The following TRHDE variants were observed in gnomAD, a reference collection of about 807,000 sequenced individuals.
TRHDE encodes thyrotropin releasing hormone degrading enzyme.
A neutral mutation model predicts 125.7 loss-of-function variants in TRHDE; 72 were observed. That is an observed-to-expected ratio of 0.57 (90% CI 0.47 to 0.70). TRHDE has a LOEUF of 0.70. TRHDE is among the 30% of genes least tolerant of loss of function. The pLI is 0.00. For synonymous variants in TRHDE, 509 were observed against 509.1 expected (o/e 1.00, Z 0.00); for missense variants, 1,110 against 1,327.1 (o/e 0.84, Z 2.54).
At chr12:72,162,405 A>G (rs570186605) in intron 2 of TRHDE, among the ~76,000 whole-genome samples, 1 of 152,204 alleles carries the variant, frequency 6.6e-6, no homozygotes, top group Non-Finnish European at 1.5e-5. Context: ...TTCCTGTCAC[A>G]GTGGTGGCAG....
chr12:72,518,851 A>T (rs1467411852), intron 6 of TRHDE, among the ~76,000 whole-genome samples: 1 of 152,090 alleles, frequency 6.6e-6, no homozygotes, highest in African/African-American at 2.4e-5. Context: ...GTGGTGACAG[A>T]ATCTCTCAGC....
At chr12:72,495,531 C>T (rs891435217) in intron 5 of TRHDE, among the ~76,000 whole-genome samples, 1 of 152,052 alleles carries the variant, frequency 6.6e-6, no homozygotes, top group Non-Finnish European at 1.5e-5. Context: ...GAAACCTTTT[C>T]TGAACTAATT....
intron 2 of TRHDE, among the ~76,000 whole-genome samples, chr12:72,112,623 T>C (rs142037730): frequency 1.2e-4 from 19 of 152,314 alleles, no homozygotes; most frequent in African/African-American, 4.3e-4. Flanking sequence ...TCATAGATAA[T>C]TTGATCTCAT....
In TRHDE at chr12:72,314,289, TTTTC is replaced by T. The variant is rs1262859443; in HGVS notation, c.1188+27347_1188+27350del. Among the ~76,000 whole-genome samples, 6 of 141,212 alleles carry T rather than the reference TTTTC, an allele frequency of 4.2e-5. No individual in the cohort carries two copies. In the East Asian group the frequency reaches 1.1e-3, roughly 25 times the overall value. The allele number at this position is 141,212 out of a possible 152,430, so 92.6% of individuals were successfully genotyped here. A position where few individuals can be genotyped will look rare whatever the true frequency, so the allele number is the denominator to read the frequency against. ...TCCTCTCTCTTTCTCTTTTCTTTTC[TTTTC>T]TTTCTTTCTTTTCTATCTCCTCCCT... On this transcript the variant is annotated intron_variant, in intron 2 of 18. Coordinates refer to ENST00000261180, the MANE Select transcript of TRHDE (RefSeq NM_013381.3).
At chr12:72,381,541 G>A (rs1023972334) in intron 3 of TRHDE, among the ~76,000 whole-genome samples, 2 of 150,672 alleles carry the variant, frequency 1.3e-5, no homozygotes, top group African/African-American at 2.4e-5. Flanking sequence ...GACTACAGGC[G>A]CCCGCCACTA....
At chr12:72,219,174 C>A (rs1245949807) in intron 2 of TRHDE, among the ~76,000 whole-genome samples, 1 of 136,174 alleles carries the variant, frequency 7.3e-6, no homozygotes, top group African/African-American at 2.8e-5. Flanking sequence ...TTTTTTTTTT[C>A]TTGGCACATT....
chr12:72,168,317 C>A (rs1473005116), intron 2 of TRHDE, among the ~76,000 whole-genome samples: 1 of 152,112 alleles, frequency 6.6e-6, no homozygotes, highest in Non-Finnish European at 1.5e-5. Flanking sequence ...TTAGATGATA[C>A]CAATCAGAAG....
intron 2 of TRHDE, among the ~76,000 whole-genome samples, chr12:72,113,044 A>T (rs1325820795): frequency 6.6e-6 from 1 of 151,990 alleles, no homozygotes; most frequent in African/African-American, 2.4e-5. Flanking sequence ...TTGAGACAGG[A>T]TCTCACTTTG....
At chr12:72,379,887 T>C (rs528937070) in intron 3 of TRHDE, among the ~76,000 whole-genome samples, 93 of 152,224 alleles carry the variant, frequency 6.1e-4, no homozygotes, top group Non-Finnish European at 1.1e-3. Flanking sequence ...GTAAAATTTC[T>C]CTTAAAGTTC....
intron 3 of TRHDE, among the ~76,000 whole-genome samples, chr12:72,424,677 A>C (rs913439985): frequency 2.0e-5 from 3 of 152,108 alleles, no homozygotes; most frequent in African/African-American, 7.2e-5. Context: ...CTATTCTCCC[A>C]GTATGAACTT....
At chr12:72,428,238 C>T (rs527651544) in intron 3 of TRHDE, among the ~76,000 whole-genome samples, 37 of 152,176 alleles carry the variant, frequency 2.4e-4, no homozygotes, top group African/African-American at 8.9e-4. Context: ...AATGTATCTA[C>T]ATAATGACTC....
intron 18 of TRHDE, among the ~76,000 whole-genome samples, chr12:72,658,356 A>G (rs1028760873): frequency 6.6e-6 from 1 of 152,206 alleles, no homozygotes; most frequent in Non-Finnish European, 1.5e-5. Flanking sequence ...TTAAAGACTC[A>G]TTTAGTCACA....
intron 1 of TRHDE, among the ~76,000 whole-genome samples, chr12:72,092,389 T>C (rs960760273): frequency 2.6e-5 from 4 of 152,212 alleles, no homozygotes; most frequent in Non-Finnish European, 5.9e-5. Flanking sequence ...TATTGGCCCA[T>C]GTAACTGGAA....
intron 2 of TRHDE, among the ~76,000 whole-genome samples, chr12:72,144,133 G>A (rs1224022275): frequency 6.6e-6 from 1 of 152,158 alleles, no homozygotes; most frequent in Non-Finnish European, 1.5e-5. Context: ...TGGAATGATA[G>A]CTCAATCAGG....
At chr12:72,434,660 G>A (rs17111155) in intron 3 of TRHDE, among the ~76,000 whole-genome samples, 2,250 of 152,176 alleles carry the variant, frequency 0.015, 30 homozygotes, top group Non-Finnish European at 0.02. Flanking sequence ...GACCTTGTAC[G>A]TTCTTTCTAA....
At chr12:72,629,338 A>G (rs1375585629) in intron 15 of TRHDE, among the ~76,000 whole-genome samples, 3 of 151,612 alleles carry the variant, frequency 2.0e-5, no homozygotes, top group Non-Finnish European at 4.4e-5. Context: ...TTTGAAGGTG[A>G]TGTGATTTAA....
At chr12:72,207,473 A>G (rs1437546706) in intron 2 of TRHDE, among the ~76,000 whole-genome samples, 2 of 152,232 alleles carry the variant, frequency 1.3e-5, no homozygotes, top group Admixed American at 6.5e-5. Context: ...AAAATTGCAC[A>G]ATAAGAGATA....
At position 72,441,053 on chromosome 12, in the gene TRHDE, A is replaced by T. The variant is rs180894850; in HGVS notation, c.1316-28705A>T. Among the ~76,000 whole-genome samples the T allele has an allele frequency of 7.8e-4, 119 of 151,982 alleles. 2 individuals are homozygous for T. Among genetic ancestry groups the T allele is most frequent in the Admixed American group, 7.7e-3 (117 of 15,204 alleles). On this transcript the variant is annotated intron_variant, in intron 3 of 18. Transcript: ENST00000261180. ...AGATAATCAGGATAAATTAAGGGGAATCAAAATACTGTTATACTCAGTTCC... is the reference window on the plus strand; with the variant it reads ...AGATAATCAGGATAAATTAAGGGGATTCAAAATACTGTTATACTCAGTTCC...
At chr12:72,617,013 T>C (rs1872842998) in intron 12 of TRHDE, among the ~76,000 whole-genome samples, 2 of 152,142 alleles carry the variant, frequency 1.3e-5, no homozygotes, top group African/African-American at 4.8e-5. Context: ...GCAACAAACC[T>C]ATGAAATCAA....
Sources: allele counts gnomAD v4.1 joint callset (sites outside exome capture counted in the v4.1 genomes callset), GRCh38; gene constraint gnomAD v4.1.1; transcripts MANE v1.5; gene names NCBI Gene and HGNC (gene_info 2026-07-23, HGNC 2026-07-21).